The following ARMC9 variants were observed in gnomAD, a reference collection of about 807,000 sequenced individuals.
ARMC9 encodes the protein lisH domain-containing protein ARMC9.
In ARMC9, 94 loss-of-function variants were observed where a neutral mutation model predicts 107.0. The observed-to-expected ratio is 0.88, with a 90% CI of 0.74 to 1.04. The LOEUF (loss-of-function observed/expected upper bound fraction) is 1.04. Among genes scored for constraint, ARMC9 ranks in the 50% least tolerant of loss-of-function variants. ARMC9 has a pLI of 0.00. For missense variants in ARMC9, 942 were observed against 1,030.1 expected (o/e 0.91, Z 1.17); for synonymous variants, 380 against 396.9 (o/e 0.96, Z 0.51).
chr2:231,270,713 A>C, intron 12 of ARMC9: 2 of 599,582 alleles, frequency 3.3e-6, no homozygotes, highest in Non-Finnish European at 6.4e-6. Flanking sequence ...AACAGCAAAC[A>C]GGACTGCTTC....
At chr2:231,273,974 A>G (rs1468989590) in intron 14 of ARMC9, among the ~76,000 whole-genome samples, 1 of 152,184 alleles carries the variant, frequency 6.6e-6, no homozygotes, top group Non-Finnish European at 1.5e-5. Flanking sequence ...GACGTTTCAT[A>G]TAAATGGAAT....
intron 5 of ARMC9, among the ~76,000 whole-genome samples, chr2:231,221,081 C>T (rs554799001): frequency 2.0e-5 from 3 of 152,164 alleles, no homozygotes; most frequent in East Asian, 1.9e-4. Context: ...AGCAGGCATT[C>T]GTTGTCTTAC....
intron 20 of ARMC9, among the ~76,000 whole-genome samples, chr2:231,342,447 G>A (rs572435292): frequency 1.3e-5 from 2 of 152,264 alleles, no homozygotes; most frequent in South Asian, 2.1e-4. Flanking sequence ...TCAGATGACC[G>A]CTGACAGTGG....
intron 14 of ARMC9, among the ~76,000 whole-genome samples, chr2:231,273,966 C>T (rs759449521): frequency 2.6e-5 from 4 of 152,152 alleles, no homozygotes; most frequent in Non-Finnish European, 4.4e-5. Context: ...TTGTACTGGA[C>T]GTTTCATATA....
At chr2:231,268,853 G>A (rs2039069666) in intron 12 of ARMC9, among the ~76,000 whole-genome samples, 1 of 151,926 alleles carries the variant, frequency 6.6e-6, no homozygotes, top group South Asian at 2.1e-4. Context: ...CTTGAGCCCA[G>A]GAGTTTGTGA....
At chr2:231,337,704 G>A (rs530742179) in intron 20 of ARMC9, among the ~76,000 whole-genome samples, 2 of 152,042 alleles carry the variant, frequency 1.3e-5, no homozygotes, top group South Asian at 2.1e-4. Context: ...TCCTGACCTC[G>A]TGAGCCACCT....
intron 19 of ARMC9, among the ~76,000 whole-genome samples, chr2:231,300,704 A>C (rs1174772605): frequency 6.6e-6 from 1 of 152,254 alleles, no homozygotes; most frequent in East Asian, 1.9e-4. Context: ...TCAGTGGTCC[A>C]TGCTCCTAAC....
At chr2:231,275,773 A>G (rs928111156) in intron 14 of ARMC9, among the ~76,000 whole-genome samples, 6 of 152,156 alleles carry the variant, frequency 3.9e-5, no homozygotes, top group Admixed American at 6.5e-5. Context: ...GGCCAACATG[A>G]AGAAACCCTA....
intron 21 of ARMC9, among the ~76,000 whole-genome samples, chr2:231,354,376 A>ATTTTT (rs67988812): frequency 5.1e-4 from 34 of 66,634 alleles, no homozygotes; most frequent in African/African-American, 1.8e-3. Context: ...AGCCATGTGA[A>ATTTTT]TTTTTTTTTT....
chr2:231,324,029 G>T (rs932376263), intron 19 of ARMC9, among the ~76,000 whole-genome samples: 1 of 151,990 alleles, frequency 6.6e-6, no homozygotes, highest in Non-Finnish European at 1.5e-5. Context: ...TTTATTAATG[G>T]GTAGCAAATA....
rs1254608290 is a variant in ARMC9, at chr2:231,362,805, G to T, written c.2261+1922G>T. ...GCTGTAATATTCTAAATCACAAGTGGCCATCTCTTGTCAGGCTGACTTCAG... is the reference window on the plus strand; with the variant it reads ...GCTGTAATATTCTAAATCACAAGTGTCCATCTCTTGTCAGGCTGACTTCAG... On this transcript the variant is annotated intron_variant, in intron 23 of 24. Transcript: ENST00000611582. This position sits in a 1 kb window ranked among gnomAD's most constrained non-coding sequence, Gnocchi z 4.7. 1 of 153,478 alleles carries T rather than the reference G, an allele frequency of 6.5e-6. No homozygotes were observed. Among genetic ancestry groups the T allele is most frequent in the African/African-American group, 2.4e-5 (1 of 41,180 alleles). 9.5% of individuals were successfully genotyped at this position (153,478 alleles called of 1,614,324 possible).
chr2:231,350,624 A>C (rs1371985451), intron 21 of ARMC9, among the ~76,000 whole-genome samples: 2 of 128,806 alleles, frequency 1.6e-5, no homozygotes, highest in Non-Finnish European at 3.1e-5. Flanking sequence ...CCTTGTCTCA[A>C]AAAAAAAAAA....
At chr2:231,359,082 GTTT>G (rs555726953) in intron 22 of ARMC9, among the ~76,000 whole-genome samples, 1 of 117,856 alleles carries the variant, frequency 8.5e-6, no homozygotes, top group Non-Finnish European at 1.7e-5. Context: ...GGGGTCTCCT[GTTT>G]TTTTTTTTTT....
chr2:231,206,181 G>A lies in ARMC9; in HGVS notation c.-41-17G>A, dbSNP rs535278701. 1.4e-6 allele frequency: 2 copies of A among 1,461,698 alleles called. No individual in the cohort carries two copies. Among genetic ancestry groups the A allele is most frequent in the African/African-American group, 2.8e-5 (2 of 71,740 alleles). 90.5% of individuals were successfully genotyped at this position (1,461,698 alleles called of 1,614,324 possible). On this transcript the variant is annotated splice_polypyrimidine_tract_variant and intron_variant, in intron 1 of 24. Transcript: ENST00000611582. ...TGGTTGAAATGAAAGCTGTTGTCTT[G>A]TATTTTTGCCTTCTAGAGATTTTTG...
intron 19 of ARMC9, among the ~76,000 whole-genome samples, chr2:231,326,528 A>G (rs2043329231): frequency 6.6e-6 from 1 of 152,298 alleles, no homozygotes; most frequent in Admixed American, 6.5e-5. Flanking sequence ...GGGACAGCCT[A>G]GAGTAAGTCG....
chr2:231,267,745 T>C (rs909378199), intron 12 of ARMC9, among the ~76,000 whole-genome samples: 11 of 151,892 alleles, frequency 7.2e-5, no homozygotes, highest in African/African-American at 2.7e-4. Context: ...CAGATAAGAG[T>C]CTGGGCTCGT....
At chr2:231,363,014 G>A (rs1475894176) in intron 23 of ARMC9, among the ~76,000 whole-genome samples, 3 of 152,214 alleles carry the variant, frequency 2.0e-5, no homozygotes, top group Non-Finnish European at 4.4e-5. Flanking sequence ...CAGAGAGCGT[G>A]CAGGGCCTGC....
At chr2:231,201,188 C>G (rs898108979) in intron 1 of ARMC9, among the ~76,000 whole-genome samples, 36 of 152,314 alleles carry the variant, frequency 2.4e-4, no homozygotes, top group African/African-American at 8.4e-4. Flanking sequence ...TTGCATCTGG[C>G]AGGGCTGGTG....
At chr2:231,281,460 G>A (rs780393326) in intron 16 of ARMC9, among the ~76,000 whole-genome samples, 1 of 152,270 alleles carries the variant, frequency 6.6e-6, no homozygotes, top group African/African-American at 2.4e-5. Context: ...GATCCTGTGT[G>A]CCACACCAAG....
Sources: gnomAD v4.1 joint callset for allele counts (sites outside exome capture counted in the v4.1 genomes callset) on GRCh38, gnomAD v4.1.1 for gene constraint, Gnocchi (gnomAD v3.1) non-coding constraint, MANE v1.5 for transcripts, NCBI Gene and HGNC (gene_info 2026-07-23, HGNC 2026-07-21) for gene names.